ADCY3: variants seen among roughly 807,000 people sequenced by gnomAD.
ADCY3 encodes adenylate cyclase type 3.
A neutral mutation model predicts 119.4 loss-of-function variants in ADCY3; 70 were observed. That is an observed-to-expected ratio of 0.59 (90% CI 0.48 to 0.72). ADCY3 has a LOEUF of 0.72. ADCY3 is among the 30% of genes least tolerant of loss of function. The pLI is 0.00. For missense variants in ADCY3, 1,238 were observed against 1,541.6 expected, an observed-to-expected ratio of 0.80 and a Z score of 3.30; for synonymous variants, 672 against 621.4, an observed-to-expected ratio of 1.08 and a Z score of -1.21.
intron 2 of ADCY3, among the ~76,000 whole-genome samples, chr2:24,894,306 G>A (rs376965488): frequency 6.6e-6 from 1 of 152,108 alleles, no homozygotes; most frequent in African/African-American, 2.4e-5. Flanking sequence ...AACGTGGTGA[G>A]ACTCTATTTC....
intron 3 of ADCY3, among the ~76,000 whole-genome samples, chr2:24,848,732 T>C (rs1255600844): frequency 6.6e-6 from 1 of 152,180 alleles, no homozygotes; most frequent in Non-Finnish European, 1.5e-5. Flanking sequence ...AAAGTATGAC[T>C]GAGTGACTGA....
intron 11 of ADCY3, among the ~76,000 whole-genome samples, chr2:24,832,566 C>G (rs549264054): frequency 6.6e-6 from 1 of 152,302 alleles, no homozygotes; most frequent in South Asian, 2.1e-4. Flanking sequence ...CCAAGAGCCC[C>G]AGAAGCCTCC....
chr2:24,821,927 C>T, intron 19 of ADCY3: 2 of 367,382 alleles, frequency 5.4e-6, no homozygotes, highest in Non-Finnish European at 1.0e-5. Context: ...GGTCCTGGTC[C>T]TTAGGTTTTG....
chr2:24,891,641 A>G (rs1203398126), intron 2 of ADCY3, among the ~76,000 whole-genome samples: 1 of 152,208 alleles, frequency 6.6e-6, no homozygotes, highest in Non-Finnish European at 1.5e-5. Context: ...CTAGGGTAAG[A>G]GCAAATCTTC....
intron 2 of ADCY3, among the ~76,000 whole-genome samples, chr2:24,884,519 A>G (rs1572987278): frequency 8.3e-6 from 1 of 120,384 alleles, no homozygotes; most frequent in South Asian, 2.6e-4. Flanking sequence ...TCTGTCACCC[A>G]GGCTGAAGTG....
intron 2 of ADCY3, among the ~76,000 whole-genome samples, chr2:24,905,717 C>T (rs1453906595): frequency 6.6e-6 from 1 of 152,190 alleles, no homozygotes; most frequent in African/African-American, 2.4e-5. Context: ...AGCCAATAAT[C>T]ATCACAATGA....
chr2:24,824,542 GAC>G lies in ADCY3; in HGVS notation c.2578-8_2578-7del. The G allele has an allele frequency of 6.2e-7, 1 of 1,613,884 alleles. No homozygotes were observed. Among genetic ancestry groups the G allele is most frequent in the African/African-American group, 1.3e-5 (1 of 75,052 alleles). On this transcript the variant is annotated splice_polypyrimidine_tract_variant and splice_region_variant and intron_variant, in intron 16 of 21. Transcript: ENST00000679454. ...GTCCGTGCCAGTTTTTCTACCTACAGACACAGACAAGGCGAGGCATGTGCTCT... is the reference window on the plus strand; with the variant it reads ...GTCCGTGCCAGTTTTTCTACCTACAGACAGACAAGGCGAGGCATGTGCTCT...
chr2:24,841,527 T>C lies in ADCY3; in HGVS notation c.1068+29A>G, dbSNP rs1456485146. On this transcript the variant is annotated intron_variant, in intron 5 of 21. Coordinates refer to ENST00000679454, the MANE Select transcript of ADCY3 (RefSeq NM_004036.5). This position sits in a 1 kb window ranked among gnomAD's most constrained non-coding sequence, Gnocchi z 5.8. ...CAGAGGCCATGAGGGCAGGCCCCGC[T>C]GGAGAGCCAGGCGGGGCCAGGGACT... 2 of 1,599,240 alleles carry C rather than the reference T, an allele frequency of 1.3e-6. No homozygotes were observed. Among genetic ancestry groups the C allele is most frequent in the South Asian group, 1.1e-5 (1 of 90,264 alleles).
intron 3 of ADCY3, among the ~76,000 whole-genome samples, chr2:24,848,889 G>A (rs1671959389): frequency 6.6e-6 from 1 of 152,204 alleles, no homozygotes; most frequent in Non-Finnish European, 1.5e-5. Context: ...GGTCTCCTGA[G>A]CTCTGCTTAC....
intron 3 of ADCY3, among the ~76,000 whole-genome samples, chr2:24,870,900 G>A (rs1251103093): frequency 6.6e-6 from 1 of 152,218 alleles, no homozygotes; most frequent in Non-Finnish European, 1.5e-5. Context: ...GAGGAAAAGT[G>A]AGGCTCTGTA....
rs1664921698 is a variant in ADCY3 at position 24,920,090 on chromosome 2, T to G, written c.-605A>C. ...GCTGCTAGGGGCGCGCGCGGGGCCC[T>G]CCCCGGCGGGAGCGCGGGCCGAGCC... On this transcript the variant is annotated 5_prime_UTR_variant, in exon 1 of 22. Coordinates refer to ENST00000679454, the MANE Select transcript of ADCY3 (RefSeq NM_004036.5). This position sits in a 1 kb window ranked among gnomAD's most constrained non-coding sequence, Gnocchi z 4.5. 7.0e-6 allele frequency among the ~76,000 whole-genome samples: 1 copy of G among 143,732 alleles called. No homozygotes were observed. Among genetic ancestry groups the G allele is most frequent in the Non-Finnish European group, 1.5e-5 (1 of 65,112 alleles). 94.3% of individuals were successfully genotyped at this position (143,732 alleles called of 152,430 possible).
intron 3 of ADCY3, among the ~76,000 whole-genome samples, chr2:24,866,082 CAAG>C (rs1407452341): frequency 6.6e-6 from 1 of 152,064 alleles, no homozygotes; most frequent in Non-Finnish European, 1.5e-5. Context: ...GGCAAGAGAC[CAAG>C]AATCCAAGCA....
At chr2:24,828,480 T>A (rs902708757) in intron 13 of ADCY3, among the ~76,000 whole-genome samples, 4 of 152,116 alleles carry the variant, frequency 2.6e-5, no homozygotes, top group Non-Finnish European at 5.9e-5. Flanking sequence ...AGGAGCCAAG[T>A]CTTTAGGCTT....
At chr2:24,901,043 C>T (rs563269390) in intron 2 of ADCY3, among the ~76,000 whole-genome samples, 3 of 152,102 alleles carry the variant, frequency 2.0e-5, no homozygotes, top group African/African-American at 7.2e-5. Flanking sequence ...CCAGCCTGGG[C>T]GACAACAGTG....
chr2:24,909,505 T>C (rs1277284237), intron 2 of ADCY3, among the ~76,000 whole-genome samples: 1 of 152,048 alleles, frequency 6.6e-6, no homozygotes, highest in East Asian at 1.9e-4. Context: ...GAGAATGACT[T>C]CTCACCCAAA....
At position 24,821,659 on chromosome 2, in the gene ADCY3, G is replaced by A; in HGVS notation, c.3004-19C>T. The A allele has an allele frequency of 6.2e-7, 1 of 1,613,166 alleles. No homozygotes were observed. The highest frequency in any genetic ancestry group is 2.2e-5 in the East Asian group (1 of 44,878). Reference sequence around the variant, plus strand: ...TGTCTTCCTGTGCCAGGGGACCGTGGAGAAAGTGTCAGGGGCCGCTCACTG... The same window carrying A: ...TGTCTTCCTGTGCCAGGGGACCGTGAAGAAAGTGTCAGGGGCCGCTCACTG... On this transcript the variant is annotated intron_variant, in intron 19 of 21. Transcript: ENST00000679454.
intron 9 of ADCY3, among the ~76,000 whole-genome samples, chr2:24,836,695 C>T (rs1670366752): frequency 6.6e-6 from 1 of 152,196 alleles, no homozygotes; most frequent in Admixed American, 6.5e-5. Flanking sequence ...CTAAGCACCT[C>T]TTTTGACCTT....
chr2:24,898,083 C>G lies in ADCY3; in HGVS notation c.675+20230G>C, dbSNP rs980911646. 2.0e-5 allele frequency among the ~76,000 whole-genome samples: 3 copies of G among 152,170 alleles called. No homozygotes were observed. On this transcript the variant is annotated intron_variant, in intron 2 of 21. Transcript: ENST00000679454. This position sits in a 1 kb window ranked among gnomAD's most constrained non-coding sequence, Gnocchi z 4.3. Reference sequence around the variant, plus strand: ...TCCAGGCTTCTTTGTTACTACTGCACCCAACTCTCCAGTCAGAGGTTCTCC... The same window carrying G: ...TCCAGGCTTCTTTGTTACTACTGCAGCCAACTCTCCAGTCAGAGGTTCTCC...
chr2:24,844,294 C>T (rs1017527079), intron 3 of ADCY3, among the ~76,000 whole-genome samples: 1 of 152,060 alleles, frequency 6.6e-6, no homozygotes, highest in African/African-American at 2.4e-5. Flanking sequence ...GCCTAGGGTG[C>T]AGGTCCCAGG....
Sources: gnomAD v4.1 joint callset for allele counts (sites outside exome capture counted in the v4.1 genomes callset) on GRCh38, gnomAD v4.1.1 for gene constraint, Gnocchi (gnomAD v3.1) non-coding constraint, MANE v1.5 for transcripts, NCBI Gene and HGNC (gene_info 2026-07-23, HGNC 2026-07-21) for gene names.